The following TRPM3 variants were observed in gnomAD, a reference collection of about 807,000 sequenced individuals.
The protein encoded by TRPM3 is transient receptor potential cation channel subfamily M member 3, also known as long transient receptor potential channel 3.
TRPM3 carries 77 observed loss-of-function variants against 181.2 expected under a neutral mutation model. The observed-to-expected ratio is 0.42, with a 90% CI of 0.35 to 0.51. TRPM3 has a LOEUF of 0.51. TRPM3 is among the 20% of genes least tolerant of loss of function. TRPM3 has a pLI of 0.01. For synonymous variants in TRPM3, 745 were observed against 796.4 expected (o/e 0.94, Z 1.09); for missense variants, 1,759 against 2,196.7 (o/e 0.80, Z 3.98).
At chr9:71,089,122 T>C (rs2065765159) in intron 1 of TRPM3, among the ~76,000 whole-genome samples, 1 of 147,612 alleles carries the variant, frequency 6.8e-6, no homozygotes, top group Admixed American at 6.8e-5. Flanking sequence ...ATATATTGTA[T>C]ATATCATATA....
At chr9:71,270,791 C>T (rs1415153806) in intron 1 of TRPM3, among the ~76,000 whole-genome samples, 1 of 152,190 alleles carries the variant, frequency 6.6e-6, no homozygotes, top group Admixed American at 6.5e-5. Context: ...AAGGCTGAGA[C>T]ATAAAATATA....
At chr9:71,000,875 T>G (rs1345622379) in intron 1 of TRPM3, among the ~76,000 whole-genome samples, 1 of 152,246 alleles carries the variant, frequency 6.6e-6, no homozygotes, top group African/African-American at 2.4e-5. Flanking sequence ...TTCCAGTCTA[T>G]TAGTCCTGCC....
chr9:70,593,218 C>T (rs1213118411), intron 21 of TRPM3, among the ~76,000 whole-genome samples: 1 of 152,128 alleles, frequency 6.6e-6, no homozygotes, highest in Non-Finnish European at 1.5e-5. Flanking sequence ...TTTAAATAGT[C>T]TTTAAAGTTG....
chr9:71,128,710 T>C (rs1198900478), intron 1 of TRPM3, among the ~76,000 whole-genome samples: 1 of 152,218 alleles, frequency 6.6e-6, no homozygotes, highest in Non-Finnish European at 1.5e-5. Context: ...CGAATTAATA[T>C]ATTTTAGGAG....
chr9:71,031,781 T>C (rs534416473), intron 1 of TRPM3, among the ~76,000 whole-genome samples: 95 of 150,040 alleles, frequency 6.3e-4, no homozygotes, highest in African/African-American at 2.2e-3. Context: ...ACTAATATTT[T>C]CACAGAATAT....
chr9:70,764,240 G>T (rs1166909787), intron 7 of TRPM3, among the ~76,000 whole-genome samples: 1 of 152,174 alleles, frequency 6.6e-6, no homozygotes, highest in Non-Finnish European at 1.5e-5. Context: ...ACCTAGGCAT[G>T]TGTCTACCTG....
chr9:70,770,565 G>A (rs1389792141), intron 7 of TRPM3, among the ~76,000 whole-genome samples: 4 of 152,190 alleles, frequency 2.6e-5, no homozygotes, highest in African/African-American at 9.7e-5. Context: ...TGCTATAGGA[G>A]ATGGAATGAC....
chr9:70,578,036 C>G (rs1352860635), intron 22 of TRPM3, among the ~76,000 whole-genome samples: 1 of 152,174 alleles, frequency 6.6e-6, no homozygotes, highest in Admixed American at 6.5e-5. Flanking sequence ...TGCTTCAAGG[C>G]CTGTGATTCT....
chr9:71,402,077 A>C (rs1422860263), intron 1 of TRPM3, among the ~76,000 whole-genome samples: 2 of 152,352 alleles, frequency 1.3e-5, no homozygotes, highest in South Asian at 4.1e-4. Context: ...GAAGAAAAAA[A>C]TGAACATTCA....
intron 5 of TRPM3, among the ~76,000 whole-genome samples, chr9:70,840,767 A>G (rs11142614): frequency 0.57 from 86,226 of 151,952 alleles, 24,830 homozygotes; most frequent in Non-Finnish European, 0.58. Flanking sequence ...TAAAATTTAT[A>G]AGATGAACAA....
intron 1 of TRPM3, among the ~76,000 whole-genome samples, chr9:71,286,759 T>C (rs2085307054): frequency 6.6e-6 from 1 of 151,670 alleles, no homozygotes; most frequent in South Asian, 2.1e-4. Flanking sequence ...TGTACCAATC[T>C]ACCCCTTGTT....
At chr9:71,344,215 TGAG>T (rs1396963645) in intron 1 of TRPM3, among the ~76,000 whole-genome samples, 1 of 151,998 alleles carries the variant, frequency 6.6e-6, no homozygotes, top group African/African-American at 2.4e-5. Flanking sequence ...TTTGGGAGGC[TGAG>T]GAGGATAGAT....
intron 1 of TRPM3, among the ~76,000 whole-genome samples, chr9:71,309,560 T>C (rs184563679): frequency 1.3e-5 from 2 of 152,284 alleles, no homozygotes; most frequent in African/African-American, 2.4e-5. Context: ...TCCATCACAA[T>C]TGCAGTTTCT....
intron 1 of TRPM3, among the ~76,000 whole-genome samples, chr9:71,443,226 T>C (rs934691035): frequency 1.3e-5 from 2 of 152,172 alleles, no homozygotes; most frequent in Non-Finnish European, 2.9e-5. Flanking sequence ...AATTTAATAT[T>C]GTAGATTAAT....
intron 1 of TRPM3, among the ~76,000 whole-genome samples, chr9:71,098,112 G>A (rs1170947648): frequency 6.6e-6 from 1 of 152,022 alleles, no homozygotes; most frequent in East Asian, 1.9e-4. Flanking sequence ...TCAACACTGG[G>A]CCATGTGCAA....
At chr9:71,134,005 GTGTGTGTGT>G (rs2074573194) in intron 1 of TRPM3, among the ~76,000 whole-genome samples, 1 of 135,458 alleles carries the variant, frequency 7.4e-6, no homozygotes, top group African/African-American at 2.8e-5. Context: ...GTGTGTGTGT[GTGTGTGTGT>G]GCGCGTGCGC....
chr9:71,024,340 T>TAATAAAGTAGATGCAAAG (rs2097873305), intron 1 of TRPM3, among the ~76,000 whole-genome samples: 1 of 151,842 alleles, frequency 6.6e-6, no homozygotes, highest in African/African-American at 2.4e-5. Flanking sequence ...GGAAAAGAAA[T>TAATAAAGTAGATGCAAAG]AATAAAGTAG....
At chr9:71,343,271 A>G (rs2091083004) in intron 1 of TRPM3, among the ~76,000 whole-genome samples, 1 of 152,174 alleles carries the variant, frequency 6.6e-6, no homozygotes, top group African/African-American at 2.4e-5. Context: ...AATGTACTCA[A>G]CTATATTTCA....
chr9:71,279,125 C>A (rs186722163), intron 1 of TRPM3, among the ~76,000 whole-genome samples: 4 of 150,398 alleles, frequency 2.7e-5, no homozygotes, highest in African/African-American at 4.9e-5. Flanking sequence ...TGAAGAATAC[C>A]CCATAGTGGA....
Sources: gnomAD v4.1 joint callset for allele counts (sites outside exome capture counted in the v4.1 genomes callset) on GRCh38, gnomAD v4.1.1 for gene constraint, MANE v1.5 for transcripts, NCBI Gene and HGNC (gene_info 2026-07-23, HGNC 2026-07-21) for gene names.